Variants in CACNB2 observed in about 807,000 individuals in gnomAD.
The protein encoded by CACNB2 is calcium voltage-gated channel auxiliary subunit beta 2.
A neutral mutation model predicts 73.3 loss-of-function variants in CACNB2; 42 were observed. The ratio of observed to expected loss-of-function variants is 0.57; its 90% CI spans 0.45 to 0.74. The LOEUF is 0.74. Ranked by LOEUF, CACNB2 falls within the 30% of genes least tolerant of loss-of-function variation. CACNB2 has a pLI of 0.00. For synonymous variants in CACNB2, 348 were observed against 310.3 expected (o/e 1.12, Z -1.28); for missense variants, 940 against 853.0 (o/e 1.10, Z -1.27).
chr10:18,232,603 A>G (rs1414713331), intron 2 of CACNB2, among the ~76,000 whole-genome samples: 2 of 152,214 alleles, frequency 1.3e-5, no homozygotes, highest in Non-Finnish European at 1.5e-5. Context: ...TTAACTAGTG[A>G]CCTTAGAGTA....
intron 2 of CACNB2, among the ~76,000 whole-genome samples, chr10:18,317,086 G>T (rs2040216003): frequency 6.6e-6 from 1 of 151,992 alleles, no homozygotes; most frequent in Admixed American, 6.6e-5. Context: ...ACTTACAGCT[G>T]TCTCCCCATT....
At chr10:18,403,685 T>G (rs1452813944) in intron 3 of CACNB2, among the ~76,000 whole-genome samples, 1 of 152,114 alleles carries the variant, frequency 6.6e-6, no homozygotes, top group Non-Finnish European at 1.5e-5. Flanking sequence ...GAAATGTTGC[T>G]CCTAAATCAA....
intron 3 of CACNB2, among the ~76,000 whole-genome samples, chr10:18,493,124 G>T (rs1156675260): frequency 6.6e-6 from 1 of 152,196 alleles, no homozygotes; most frequent in African/African-American, 2.4e-5. Flanking sequence ...CTGCTCTAGA[G>T]ATAAAGCATA....
At chr10:18,290,856 G>C (rs1415582920) in intron 2 of CACNB2, among the ~76,000 whole-genome samples, 1 of 152,198 alleles carries the variant, frequency 6.6e-6, no homozygotes, top group Admixed American at 6.5e-5. Flanking sequence ...CTGGATCTGC[G>C]CTGTTAATCT....
intron 2 of CACNB2, among the ~76,000 whole-genome samples, chr10:18,291,509 G>C (rs192151904): frequency 1.3e-5 from 2 of 152,346 alleles, no homozygotes; most frequent in Admixed American, 1.3e-4. Flanking sequence ...ATAGTGATCA[G>C]AGTAGCAATC....
chr10:18,507,697 T>G (rs559372979), intron 6 of CACNB2, among the ~76,000 whole-genome samples: 3 of 152,186 alleles, frequency 2.0e-5, no homozygotes, highest in East Asian at 1.9e-4. Flanking sequence ...GGAATCAGAG[T>G]AAGACTGTAA....
At chr10:18,177,481 A>T (rs76723097) in intron 2 of CACNB2, among the ~76,000 whole-genome samples, 1 of 149,304 alleles carries the variant, frequency 6.7e-6, no homozygotes. Flanking sequence ...AAAAAAAAAA[A>T]ATAGCTGGGT....
intron 2 of CACNB2, among the ~76,000 whole-genome samples, chr10:18,215,056 A>T (rs1334786206): frequency 6.6e-6 from 1 of 151,872 alleles, no homozygotes; most frequent in Non-Finnish European, 1.5e-5. Context: ...AAAGTGCTGA[A>T]CCCACTGTGC....
At chr10:18,235,098 AC>A in intron 2 of CACNB2, among the ~76,000 whole-genome samples, 1 of 150,412 alleles carries the variant, frequency 6.6e-6, no homozygotes, top group African/African-American at 2.4e-5. Flanking sequence ...AGCCGGGATC[AC>A]GCCACTGCAC....
chr10:18,152,709 C>CAAAAAAAA lies in CACNB2; in HGVS notation c.213+1750_213+1757dup, dbSNP rs772732675. On this transcript the variant is annotated intron_variant, in intron 2 of 13. Transcript: ENST00000324631. ...TCATCATGCAGGACCTGAAACAGAC[C>CAAAAAAAA]AAAAAAAAAAAAAAAAAAAAAAACA... 5.3e-3 allele frequency among the ~76,000 whole-genome samples: 260 copies of CAAAAAAAA among 49,266 alleles called. 12 individuals are homozygous for CAAAAAAAA. Among genetic ancestry groups the CAAAAAAAA allele is most frequent in the African/African-American group, 0.01 (131 of 13,036 alleles). 32.3% of individuals were successfully genotyped at this position (49,266 alleles called of 152,430 possible).
In CACNB2 at chr10:18,151,002, A is replaced by G. The variant is rs993832777; in HGVS notation, c.213+27A>G. Reference sequence around the variant, plus strand: ...TAAGAGTTTTAAGTTCATGGTTTTGATAAGTACCTTAAAATGACTTTAGAT... The same window carrying G: ...TAAGAGTTTTAAGTTCATGGTTTTGGTAAGTACCTTAAAATGACTTTAGAT... On this transcript the variant is annotated intron_variant, in intron 2 of 13. Coordinates refer to ENST00000324631, the MANE Select transcript of CACNB2 (RefSeq NM_201596.3). 7 of 1,343,256 alleles carry G rather than the reference A, an allele frequency of 5.2e-6. No homozygotes were observed. In the South Asian group the frequency reaches 7.0e-5, roughly 13 times the overall value. The allele number at this position is 1,343,256 out of a possible 1,614,324, so 83.2% of individuals were successfully genotyped here. A position where few individuals can be genotyped will look rare whatever the true frequency, so the allele number is the denominator to read the frequency against.
intron 2 of CACNB2, among the ~76,000 whole-genome samples, chr10:18,195,823 T>C (rs1264947684): frequency 6.6e-6 from 1 of 152,274 alleles, no homozygotes; most frequent in Admixed American, 6.5e-5. Flanking sequence ...TGTCGCTTTC[T>C]GTGTAATGTC....
At chr10:18,149,768 G>A (rs1564295266) in intron 1 of CACNB2, among the ~76,000 whole-genome samples, 1 of 152,170 alleles carries the variant, frequency 6.6e-6, no homozygotes, top group Non-Finnish European at 1.5e-5. Flanking sequence ...TTGTCAACAT[G>A]TTATACGCTT....
chr10:18,469,069 G>A (rs560920562), intron 3 of CACNB2, among the ~76,000 whole-genome samples: 125 of 152,210 alleles, frequency 8.2e-4, no homozygotes, highest in African/African-American at 2.6e-3. Context: ...GCAACAAAGC[G>A]AGACCCTGTC....
intron 3 of CACNB2, among the ~76,000 whole-genome samples, chr10:18,468,826 A>G (rs948958954): frequency 2.0e-5 from 3 of 152,050 alleles, no homozygotes; most frequent in Non-Finnish European, 2.9e-5. Flanking sequence ...CTCAAACTCC[A>G]GATCTCAGGT....
At position 18,486,962 on chromosome 10, in the gene CACNB2, T is replaced by C. The variant is rs549479227; in HGVS notation, c.334-11393T>C. Among the ~76,000 whole-genome samples, 10 of 152,284 alleles carry C rather than the reference T, an allele frequency of 6.6e-5. No individual in the cohort carries two copies. The South Asian group carries it at 2.1e-3, about 32-fold the overall frequency. On this transcript the variant is annotated intron_variant, in intron 3 of 13. Coordinates refer to ENST00000324631, the MANE Select transcript of CACNB2 (RefSeq NM_201596.3). ...GAAAGAAAAAGAGAATAGCTCTCTC[T>C]CTCTCTTGCAAAGAGAGAAGGGCTC...
At chr10:18,401,142 T>C in intron 2 of CACNB2, 1 of 1,612,320 alleles carries the variant, frequency 6.2e-7, no homozygotes, top group Non-Finnish European at 8.5e-7. Flanking sequence ...GGTTATTTTG[T>C]CTCTGCTTTT....
At chr10:18,302,734 A>G (rs919868440) in intron 2 of CACNB2, among the ~76,000 whole-genome samples, 1 of 152,150 alleles carries the variant, frequency 6.6e-6, no homozygotes, top group Non-Finnish European at 1.5e-5. Flanking sequence ...GGGATAAAAG[A>G]CTACAAGTTG....
At chr10:18,407,109 CTTTTTTTT>C (rs71507267) in intron 3 of CACNB2, among the ~76,000 whole-genome samples, 38 of 35,614 alleles carry the variant, frequency 1.1e-3, no homozygotes, top group Middle Eastern at 0.037. Flanking sequence ...GCTGTTCTGT[CTTTTTTTT>C]TTTTTTTTTT....
Sources: gnomAD v4.1 joint callset for allele counts (sites outside exome capture counted in the v4.1 genomes callset) on GRCh38, gnomAD v4.1.1 for gene constraint, MANE v1.5 for transcripts, NCBI Gene and HGNC (gene_info 2026-07-23, HGNC 2026-07-21) for gene names.